The following KCNN3 variants were observed in gnomAD, a reference collection of about 807,000 sequenced individuals.
KCNN3 encodes potassium calcium-activated channel subfamily N member 3.
In KCNN3, 16 loss-of-function variants were observed where a neutral mutation model predicts 62.9. That is an observed-to-expected ratio of 0.25 (90% CI 0.17 to 0.39). The LOEUF (loss-of-function observed/expected upper bound fraction) is 0.39, where lower values mean the gene tolerates loss of function less well. Ranked by LOEUF, KCNN3 falls within the 10% of genes least tolerant of loss-of-function variation. The pLI, the probability that KCNN3 is intolerant of heterozygous loss-of-function variation, is 1.00. For synonymous variants in KCNN3, 370 were observed against 389.2 expected (o/e 0.95, Z 0.58); for missense variants, 599 against 949.4 (o/e 0.63, Z 4.85).
intron 5 of KCNN3, among the ~76,000 whole-genome samples, chr1:154,715,420 T>G: frequency 9.6e-6 from 1 of 104,236 alleles, no homozygotes; most frequent in Non-Finnish European, 1.8e-5. Context: ...GCAACAAGAG[T>G]GAAACTCCAT....
intron 2 of KCNN3, among the ~76,000 whole-genome samples, chr1:154,789,672 G>A (rs1571278126): frequency 6.6e-6 from 1 of 152,180 alleles, no homozygotes; most frequent in East Asian, 1.9e-4. Flanking sequence ...CATCGGAGAG[G>A]CGGCACTCAG....
At chr1:154,737,043 C>T (rs1335467944) in intron 3 of KCNN3, 3 of 702,010 alleles carry the variant, frequency 4.3e-6, no homozygotes, top group African/African-American at 3.5e-5. Context: ...ATGCAACTCA[C>T]CAAGCAGGAA....
At chr1:154,812,255 C>CT (rs963745903) in intron 2 of KCNN3, among the ~76,000 whole-genome samples, 9 of 151,556 alleles carry the variant, frequency 5.9e-5, no homozygotes, top group East Asian at 1.9e-4. Context: ...ACAGAATATT[C>CT]TTTTTTTTTC....
chr1:154,727,988 G>T (rs542554931), intron 4 of KCNN3, among the ~76,000 whole-genome samples: 2 of 152,162 alleles, frequency 1.3e-5, no homozygotes, highest in Non-Finnish European at 2.9e-5. Context: ...CCCTCCTCTC[G>T]CTAGGCCCAG....
At chr1:154,839,698 G>T (rs1334913657) in intron 1 of KCNN3, among the ~76,000 whole-genome samples, 5 of 152,210 alleles carry the variant, frequency 3.3e-5, no homozygotes, top group African/African-American at 1.2e-4. Flanking sequence ...GGCAGACTCG[G>T]CCACAGAGCA....
In KCNN3 at chr1:154,772,443, A is replaced by G. The variant is rs199582643; in HGVS notation, c.1030-50T>C. 3,232 of 1,593,446 alleles carry G rather than the reference A, an allele frequency of 2.0e-3. 8 individuals are homozygous for G. The highest frequency in any genetic ancestry group is 2.6e-3 in the Non-Finnish European group (2,986 of 1,165,492). ...GTGTGGCCAGGACCAGGAAGCCCAC[A>G]GCAGGGTCCAGGCAGGACAGGTGGG... On this transcript the variant is annotated intron_variant, in intron 2 of 7. Transcript: ENST00000271915. The surrounding 1 kb of genome is among the most constrained non-coding windows in gnomAD (Gnocchi z 5.6).
At chr1:154,766,600 T>C (rs1454473206) in intron 3 of KCNN3, among the ~76,000 whole-genome samples, 2 of 149,426 alleles carry the variant, frequency 1.3e-5, no homozygotes, top group African/African-American at 4.9e-5. Context: ...GCCTACAGGG[T>C]TTAGCTTGCA....
At chr1:154,834,235 C>G (rs537431370) in intron 1 of KCNN3, among the ~76,000 whole-genome samples, 7 of 152,334 alleles carry the variant, frequency 4.6e-5, no homozygotes, top group African/African-American at 1.7e-4. Context: ...GGGCACGACA[C>G]GAGCCCCACT....
rs77606351 is a variant in KCNN3 at position 154,814,962 on chromosome 1, A to G, written c.1029+7127T>C. On this transcript the variant is annotated intron_variant, in intron 2 of 7. Coordinates refer to ENST00000271915, the MANE Select transcript of KCNN3 (RefSeq NM_002249.6). Reference sequence around the variant, plus strand: ...TTGTGTGCTGTGATCATCCAGGGGCACACTCATGAAAGTGGGACAGGAGAG... The same window carrying G: ...TTGTGTGCTGTGATCATCCAGGGGCGCACTCATGAAAGTGGGACAGGAGAG... Among the ~76,000 whole-genome samples the G allele has an allele frequency of 7.2e-3, 1,104 of 152,308 alleles. 13 individuals carry two copies. The highest frequency in any genetic ancestry group is 0.025 in the African/African-American group (1,053 of 41,572).
intron 3 of KCNN3, among the ~76,000 whole-genome samples, chr1:154,771,127 C>G (rs1222647867): frequency 6.6e-6 from 1 of 151,136 alleles, no homozygotes; most frequent in Non-Finnish European, 1.5e-5. Context: ...AATCCAGGAC[C>G]CCTTGCAAGG....
chr1:154,726,822 C>A (rs1700478491), intron 4 of KCNN3, among the ~76,000 whole-genome samples: 1 of 152,308 alleles, frequency 6.6e-6, no homozygotes, highest in African/African-American at 2.4e-5. Context: ...GAACAGCGAT[C>A]CTAGTCTGCT....
intron 2 of KCNN3, among the ~76,000 whole-genome samples, chr1:154,773,014 T>G (rs1648637829): frequency 6.6e-6 from 1 of 152,224 alleles, no homozygotes; most frequent in East Asian, 1.9e-4. Context: ...GTTTTGTTTT[T>G]TTAACTTTTA....
intron 2 of KCNN3, among the ~76,000 whole-genome samples, chr1:154,819,688 G>A (rs1650810717): frequency 2.0e-5 from 3 of 152,160 alleles, no homozygotes; most frequent in Admixed American, 6.5e-5. Context: ...CTCAAGTGAC[G>A]GAGGCTGCAG....
rs1365189931 is a variant in KCNN3, at chr1:154,783,788, CAG to C, written c.1030-11397_1030-11396del. ...ACTGAGGACTTGACCACCCATGAGA[CAG>C]GGACAGTGCTGAGACTGTAAGATCA... On this transcript the variant is annotated intron_variant, in intron 2 of 7. Transcript: ENST00000271915. Among the ~76,000 whole-genome samples, 8 of 152,272 alleles carry C rather than the reference CAG, an allele frequency of 5.3e-5. No individual in the cohort carries two copies. The East Asian group carries it at 1.5e-3, about 29-fold the overall frequency.
chr1:154,860,825 G>A (rs1374907143), intron 1 of KCNN3, among the ~76,000 whole-genome samples: 6 of 152,226 alleles, frequency 3.9e-5, no homozygotes, highest in Admixed American at 3.9e-4. Context: ...CTGAGACCCA[G>A]TGTGTGGCTG....
rs943557139 is a variant in KCNN3, at chr1:154,704,942, T to C, written c.*3034A>G. On this transcript the variant is annotated 3_prime_UTR_variant, in exon 8 of 8. Transcript: ENST00000271915. ...GGTGTCCACCACCAAACCCAGCTAA[T>C]TTTTGTATTTTTAGTAGAGATGGGG... 1.1e-4 allele frequency: 17 copies of C among 152,128 alleles called. No homozygotes were observed. Among genetic ancestry groups the C allele is most frequent in the African/African-American group, 4.1e-4 (17 of 41,400 alleles). The allele number at this position is 152,128 out of a possible 1,614,324, so 9.4% of individuals were successfully genotyped here.
At chr1:154,793,365 C>A (rs75037309) in intron 2 of KCNN3, among the ~76,000 whole-genome samples, 1,769 of 152,234 alleles carry the variant, frequency 0.012, 15 homozygotes, top group Non-Finnish European at 0.018. Context: ...AAAGTTTACA[C>A]CTGGAGTTTC....
chr1:154,801,518 C>T (rs1379940054), intron 2 of KCNN3, among the ~76,000 whole-genome samples: 1 of 152,208 alleles, frequency 6.6e-6, no homozygotes, highest in African/African-American at 2.4e-5. Flanking sequence ...CGCTCCCACC[C>T]CCTGAAAGAA....
intron 3 of KCNN3, among the ~76,000 whole-genome samples, chr1:154,754,768 T>C (rs954425633): frequency 6.6e-6 from 1 of 152,210 alleles, no homozygotes; most frequent in African/African-American, 2.4e-5. Flanking sequence ...CCGGACTTCT[T>C]TGGCGTCAGA....
Sources: allele counts gnomAD v4.1 joint callset (sites outside exome capture counted in the v4.1 genomes callset), GRCh38; gene constraint gnomAD v4.1.1; non-coding constraint Gnocchi (gnomAD v3.1); transcripts MANE v1.5; gene names NCBI Gene and HGNC (gene_info 2026-07-23, HGNC 2026-07-21).